ZUP1: variants seen among roughly 807,000 people sequenced by gnomAD.
ZUP1 encodes the protein zinc finger containing ubiquitin peptidase 1.
ZUP1 carries 55 observed loss-of-function variants against 68.1 expected under a neutral mutation model. That is an observed-to-expected ratio of 0.81 (90% CI 0.65 to 1.01). The LOEUF (loss-of-function observed/expected upper bound fraction) is 1.01, where lower values mean the gene tolerates loss of function less well. Among genes scored for constraint, ZUP1 ranks in the 50% least tolerant of loss-of-function variants. The pLI, the probability that ZUP1 is intolerant of heterozygous loss-of-function variation, is 0.00. For synonymous variants in ZUP1, 223 were observed against 221.5 expected, an observed-to-expected ratio of 1.01 and a Z score of -0.06; for missense variants, 684 against 674.9, an observed-to-expected ratio of 1.01 and a Z score of -0.15.
chr6:116,641,655 C>T (rs1363659028), intron 9 of ZUP1, among the ~76,000 whole-genome samples: 2 of 152,126 alleles, frequency 1.3e-5, no homozygotes, highest in Middle Eastern at 3.4e-3. Context: ...AACAAAGACA[C>T]AACATAACAC....
chr6:116,656,585 C>A, intron 5 of ZUP1, 99 bp downstream of exon 5: 4 of 916,160 alleles, frequency 4.4e-6, no homozygotes, highest in East Asian at 5.7e-5. Flanking sequence ...AATATTTGTG[C>A]ACAGATTATG....
At chr6:116,652,498 G>T (rs1776540116) in intron 5 of ZUP1, among the ~76,000 whole-genome samples, 1 of 152,074 alleles carries the variant, frequency 6.6e-6, no homozygotes, top group Admixed American at 6.6e-5. Flanking sequence ...TAGACTACTG[G>T]AGATCACTCA....
At chr6:116,659,053 G>T in intron 3 of ZUP1, 129 bp from the exon 4 acceptor site, 1 of 811,794 alleles carries the variant, frequency 1.2e-6, no homozygotes, top group Non-Finnish European at 1.8e-6. Flanking sequence ...TGATGATATG[G>T]AACTGAGTAC....
chr6:116,657,235 C>A (rs568682872), intron 4 of ZUP1, among the ~76,000 whole-genome samples: 1 of 152,090 alleles, frequency 6.6e-6, no homozygotes, highest in African/African-American at 2.4e-5. Flanking sequence ...TCCATAAAGG[C>A]CTACTTAATC....
intron 3 of ZUP1, among the ~76,000 whole-genome samples, chr6:116,659,604 A>G (rs182697273): frequency 4.7e-4 from 71 of 151,006 alleles, no homozygotes; most frequent in Non-Finnish European, 6.0e-4. Flanking sequence ...GATTTTTCAA[A>G]GAAATACTAG....
rs781728449 is a variant in ZUP1 at position 116,658,860 on chromosome 6, GTCT to G, written c.732_734del (p.Glu244del). ...TTGATTCTTCAGATCTCCTCTTTCTGTCTTCTTCTTGCTGAAGCTGGTGAGCCA... is the reference window on the plus strand; with the variant it reads ...TTGATTCTTCAGATCTCCTCTTTCTGTCTTCTTGCTGAAGCTGGTGAGCCA... On this transcript the variant is annotated inframe_deletion, in exon 4 of 10. Transcript: ENST00000368576. The G allele has an allele frequency of 2.5e-6, 4 of 1,610,968 alleles. No individual in the cohort carries two copies. Among genetic ancestry groups the G allele is most frequent in the African/African-American group, 2.7e-5 (2 of 74,778 alleles).
At chr6:116,665,724 C>T (rs949923016) in intron 2 of ZUP1, among the ~76,000 whole-genome samples, 5 of 150,032 alleles carry the variant, frequency 3.3e-5, no homozygotes, top group Admixed American at 6.6e-5. Flanking sequence ...GGGCTACAGA[C>T]GCAAGCCACT....
chr6:116,653,392 G>C (rs1418897664), intron 5 of ZUP1, among the ~76,000 whole-genome samples: 2 of 151,980 alleles, frequency 1.3e-5, no homozygotes, highest in Non-Finnish European at 2.9e-5. Flanking sequence ...ATAGCATGTG[G>C]CACCAAAGAC....
intron 5 of ZUP1, among the ~76,000 whole-genome samples, chr6:116,653,102 G>A (rs187865273): frequency 2.6e-5 from 4 of 152,002 alleles, no homozygotes; most frequent in Non-Finnish European, 5.9e-5. Context: ...ACTATAACAA[G>A]TGCTATAATA....
At chr6:116,663,930 T>C (rs565070764) in intron 2 of ZUP1, among the ~76,000 whole-genome samples, 8 of 150,224 alleles carry the variant, frequency 5.3e-5, no homozygotes, top group East Asian at 2.0e-4. Flanking sequence ...CTGGGTGACA[T>C]AGTAAGACCT....
At chr6:116,667,456 C>T (rs566768092) in intron 1 of ZUP1, among the ~76,000 whole-genome samples, 120 of 151,764 alleles carry the variant, frequency 7.9e-4, no homozygotes, top group African/African-American at 2.8e-3. Flanking sequence ...CAAAAAATGT[C>T]TCTGGCCCAA....
At chr6:116,645,670 G>T in intron 9 of ZUP1, 44 bp downstream of exon 9, 1 of 1,375,764 alleles carries the variant, frequency 7.3e-7, no homozygotes, top group Non-Finnish European at 9.9e-7. Context: ...AAACTTTTAA[G>T]TTCATCTCAT....
rs1306715015 is a variant in ZUP1, at chr6:116,644,610, G to A, written c.1689+1104C>T. 5.3e-5 allele frequency among the ~76,000 whole-genome samples: 8 copies of A among 150,490 alleles called. No individual in the cohort carries two copies. In the East Asian group the frequency reaches 9.9e-4, roughly 19 times the overall value. ...AAGAACAAAACACCAAACACCGCAT[G>A]TTCTCACTCATAGATGGGAATTGAA... On this transcript the variant is annotated intron_variant, in intron 9 of 9. Transcript: ENST00000368576.
chr6:116,660,997 G>C, intron 2 of ZUP1, 151 bp from the exon 3 acceptor site: 4 of 538,056 alleles, frequency 7.4e-6, no homozygotes, highest in Non-Finnish European at 1.3e-5. Flanking sequence ...TCCCATCTCA[G>C]CCTCCCAAGT....
Position 116,635,630 on chromosome 6 carries a change from A to G in ZUP1, c.*202T>C, listed in dbSNP as rs1457854947. 1.1e-5 allele frequency: 5 copies of G among 436,228 alleles called. No homozygotes were observed. The highest frequency in any genetic ancestry group is 5.8e-4 in the Middle Eastern group (1 of 1,722). 27.0% of individuals were successfully genotyped at this position (436,228 alleles called of 1,614,324 possible). ...GAAAAACAAAATCCACAATGCAAAA[A>G]CAAGACATTTTATTGAAATAATTTA... is the stretch of plus-strand genomic sequence containing the variant. On this transcript the variant is annotated 3_prime_UTR_variant, in exon 10 of 10. Transcript: ENST00000368576.
rs553536691 is a variant in ZUP1 at position 116,665,777 on chromosome 6, G to A, written c.559+857C>T. On this transcript the variant is annotated intron_variant, in intron 2 of 9. Transcript: ENST00000368576. ...TGGTTTTTTTTTTTTTTTTTGAAGA[G>A]ACGAGCTTTTGCCACATTGCCCAGG... 2.8e-5 allele frequency among the ~76,000 whole-genome samples: 4 copies of A among 140,800 alleles called. No homozygotes were observed. In the East Asian group the frequency reaches 8.0e-4, roughly 28 times the overall value. The allele number at this position is 140,800 out of a possible 152,430, so 92.4% of individuals were successfully genotyped here.
At chr6:116,661,058 T>G (rs1030291494) in intron 2 of ZUP1, among the ~76,000 whole-genome samples, 1 of 151,924 alleles carries the variant, frequency 6.6e-6, no homozygotes, top group Non-Finnish European at 1.5e-5. Flanking sequence ...TTTTTTTTTT[T>G]AGAGATGAGA....
At chr6:116,658,088 C>T (rs1237373919) in intron 4 of ZUP1, among the ~76,000 whole-genome samples, 2 of 151,540 alleles carry the variant, frequency 1.3e-5, no homozygotes, top group African/African-American at 4.9e-5. Flanking sequence ...AGTGAAACTC[C>T]GTCTCAAACA....
chr6:116,652,103 A>T lies in ZUP1; in HGVS notation c.1051T>A (p.Ser351Thr). The T allele has an allele frequency of 6.2e-7, 1 of 1,614,048 alleles. No homozygotes were observed. Among genetic ancestry groups the T allele is most frequent in the Non-Finnish European group, 8.5e-7 (1 of 1,179,924 alleles). The change falls in exon 6 of 10, where the codon TCA (serine) becomes ACA (threonine). Residue 351 changes from serine (S) to threonine (T), a missense_variant. Transcript: ENST00000368576. ...WLSSVVDHFH[S>T]SLGDKGWGCG... ...CCCCAACCTTTGTCGCCTAAAGATG[A>T]ATGAAAGTGATCCACCACTGAAGAA...
Sources: allele counts gnomAD v4.1 joint callset (sites outside exome capture counted in the v4.1 genomes callset), GRCh38; gene constraint gnomAD v4.1.1; transcripts MANE v1.5; gene names NCBI Gene and HGNC (gene_info 2026-07-23, HGNC 2026-07-21).